The following EBF3 variants were observed in gnomAD, a reference collection of about 807,000 sequenced individuals.
EBF3 encodes EBF transcription factor 3.
In EBF3, 18 loss-of-function variants were observed where a neutral mutation model predicts 77.1. The observed-to-expected ratio is 0.23, with a 90% CI of 0.16 to 0.35. EBF3 has a LOEUF of 0.35. Among genes scored for constraint, EBF3 ranks in the 10% least tolerant of loss-of-function variants. The pLI is 1.00. For missense variants in EBF3, 558 were observed against 860.0 expected (o/e 0.65, Z 4.39); for synonymous variants, 350 against 343.5 (o/e 1.02, Z -0.21).
intron 6 of EBF3, among the ~76,000 whole-genome samples, chr10:129,951,583 G>C (rs569232861): frequency 6.6e-6 from 1 of 152,390 alleles, no homozygotes; most frequent in African/African-American, 2.4e-5. Flanking sequence ...TTCAAACCCA[G>C]CCCTTGACTG....
At chr10:129,851,249 T>G (rs932501595) in intron 10 of EBF3, among the ~76,000 whole-genome samples, 1 of 152,162 alleles carries the variant, frequency 6.6e-6, no homozygotes, top group Non-Finnish European at 1.5e-5. Context: ...CGTGGATAAT[T>G]AGAGAAGGAG....
At chr10:129,883,265 C>T (rs918494183) in intron 6 of EBF3, among the ~76,000 whole-genome samples, 17 of 152,182 alleles carry the variant, frequency 1.1e-4, no homozygotes, top group South Asian at 2.1e-4. Flanking sequence ...CCTAGGTGCG[C>T]GCCTACCCCC....
intron 11 of EBF3, among the ~76,000 whole-genome samples, chr10:129,845,165 A>C (rs1054486115): frequency 2.0e-5 from 3 of 152,226 alleles, no homozygotes; most frequent in Non-Finnish European, 2.9e-5. Flanking sequence ...TGGTCTTGTC[A>C]TATCAGAGAG....
chr10:129,962,327 G>T (rs140890797), intron 3 of EBF3, 101 bp from the exon 4 acceptor site: 1 of 1,025,232 alleles, frequency 9.8e-7, no homozygotes, highest in Non-Finnish European at 1.5e-6. Context: ...CTGCTGCCAC[G>T]GTGATGCAGC....
rs548664440 is a variant in EBF3, at chr10:129,921,557, G to A, written c.554+35701C>T. Among the ~76,000 whole-genome samples the A allele has an allele frequency of 1.1e-4, 16 of 152,312 alleles. No individual in the cohort carries two copies. The East Asian group carries it at 3.1e-3, about 29-fold the overall frequency. ...AAGAAAGGGCAGCAGCCTCCACTAG[G>A]CCACCGGCTCCTGTTTCAAAGGTCT... On this transcript the variant is annotated intron_variant, in intron 6 of 16. Coordinates refer to ENST00000440978, the MANE Select transcript of EBF3 (RefSeq NM_001375380.1).
At chr10:129,860,735 G>A (rs1851570608) in intron 10 of EBF3, among the ~76,000 whole-genome samples, 1 of 152,220 alleles carries the variant, frequency 6.6e-6, no homozygotes, top group South Asian at 2.1e-4. Context: ...CACCAGCCTG[G>A]TTGGGAAATT....
rs1017201937 is a variant in EBF3 at position 129,848,056 on chromosome 10, A to C, written c.1128+336T>G. Among the ~76,000 whole-genome samples the C allele has an allele frequency of 1.4e-4, 22 of 152,230 alleles. No individual in the cohort carries two copies. The highest frequency in any genetic ancestry group is 8.5e-4 in the Admixed American group (13 of 15,286). ...CAGGCCACTGGAGTGGAAAATGTTT[A>C]ATTGAACTATTTCATTACGCGGAAG... On this transcript the variant is annotated intron_variant, in intron 11 of 16. Coordinates refer to ENST00000440978, the MANE Select transcript of EBF3 (RefSeq NM_001375380.1). This position sits in a 1 kb window ranked among gnomAD's most constrained non-coding sequence, Gnocchi z 4.4.
At chr10:129,867,642 T>C in intron 9 of EBF3, 140 bp downstream of exon 9, 1 of 1,420,834 alleles carries the variant, frequency 7.0e-7, no homozygotes, top group Non-Finnish European at 9.4e-7. Flanking sequence ...CGGGAGAAGC[T>C]GCTGCCACAG....
Position 129,963,797 on chromosome 10 carries a change from C to T in EBF3, c.-29G>A. Reference sequence around the variant, plus strand: ...AACTGCTGGCGGCGGCCGCAGCTCCCGGCCGAAAGCGTTTCCTCGAGCAGC... The same window carrying T: ...AACTGCTGGCGGCGGCCGCAGCTCCTGGCCGAAAGCGTTTCCTCGAGCAGC... On this transcript the variant is annotated 5_prime_UTR_variant, in exon 1 of 17. Coordinates refer to ENST00000440978, the MANE Select transcript of EBF3 (RefSeq NM_001375380.1). The surrounding 1 kb of genome is among the most constrained non-coding windows in gnomAD (Gnocchi z 7.1). 3 of 1,488,882 alleles carry T rather than the reference C, an allele frequency of 2.0e-6. No homozygotes were observed. The highest frequency in any genetic ancestry group is 6.2e-5 in the East Asian group (2 of 32,456). The allele number at this position is 1,488,882 out of a possible 1,614,324, so 92.2% of individuals were successfully genotyped here.
At chr10:129,931,339 G>C (rs893426364) in intron 6 of EBF3, among the ~76,000 whole-genome samples, 4 of 152,226 alleles carry the variant, frequency 2.6e-5, no homozygotes, top group African/African-American at 7.2e-5. Flanking sequence ...ATTTTTCTGG[G>C]ATCCAAGTGC....
intron 10 of EBF3, among the ~76,000 whole-genome samples, chr10:129,850,707 G>A (rs926667786): frequency 6.6e-6 from 1 of 152,194 alleles, no homozygotes. Context: ...ACACGCATTC[G>A]TGGTTCTGGG....
intron 6 of EBF3, among the ~76,000 whole-genome samples, chr10:129,918,013 A>G (rs1029797020): frequency 1.3e-5 from 2 of 152,210 alleles, no homozygotes; most frequent in Non-Finnish European, 2.9e-5. Context: ...AACCCCCATC[A>G]GCTCTGCTTT....
chr10:129,880,629 C>T (rs148832905), intron 6 of EBF3, among the ~76,000 whole-genome samples: 105 of 152,330 alleles, frequency 6.9e-4, no homozygotes, highest in African/African-American at 2.5e-3. Context: ...AAAGAGCTGT[C>T]GTGCACAACC....
At chr10:129,956,609 G>A (rs949843004) in intron 6 of EBF3, among the ~76,000 whole-genome samples, 1 of 152,222 alleles carries the variant, frequency 6.6e-6, no homozygotes, top group Admixed American at 6.5e-5. Flanking sequence ...CAAGGAATAT[G>A]AGAAACAGCA....
At position 129,902,350 on chromosome 10, in the gene EBF3, G is replaced by A. The variant is rs540653940; in HGVS notation, c.555-24501C>T. On this transcript the variant is annotated intron_variant, in intron 6 of 16. Coordinates refer to ENST00000440978, the MANE Select transcript of EBF3 (RefSeq NM_001375380.1). The stretch of plus-strand genomic sequence containing the variant: ...ATGGACCCCATGAACACTTTAACGA[G>A]AGTTGTGAGCCCATCTTCTTCAAGG... 2.0e-5 allele frequency among the ~76,000 whole-genome samples: 3 copies of A among 151,970 alleles called. No individual in the cohort carries two copies. The South Asian group carries it at 6.3e-4, about 32-fold the overall frequency.
chr10:129,876,610 A>C (rs1168094410), intron 7 of EBF3, among the ~76,000 whole-genome samples: 1 of 152,206 alleles, frequency 6.6e-6, no homozygotes, highest in African/African-American at 2.4e-5. Flanking sequence ...ATTTCTGAGA[A>C]ATGCTTTGAG....
At chr10:129,880,075 CCCTTTTACCT>C (rs1853085129) in intron 6 of EBF3, among the ~76,000 whole-genome samples, 1 of 152,194 alleles carries the variant, frequency 6.6e-6, no homozygotes, top group African/African-American at 2.4e-5. Context: ...TAGACAGTCA[CCCTTTTACCT>C]CCAAGAGAAC....
intron 10 of EBF3, among the ~76,000 whole-genome samples, chr10:129,852,915 G>A (rs180747968): frequency 2.0e-5 from 3 of 152,312 alleles, no homozygotes; most frequent in Non-Finnish European, 2.9e-5. Context: ...AGCAGCAGCC[G>A]AGAGCAGAGG....
chr10:129,875,055 C>T (rs1015486134), intron 7 of EBF3, among the ~76,000 whole-genome samples: 7 of 151,924 alleles, frequency 4.6e-5, no homozygotes, highest in Admixed American at 3.9e-4. Flanking sequence ...AAAATGAATA[C>T]AATTCATTGT....
Sources: gnomAD v4.1 joint callset for allele counts (sites outside exome capture counted in the v4.1 genomes callset) on GRCh38, gnomAD v4.1.1 for gene constraint, Gnocchi (gnomAD v3.1) non-coding constraint, MANE v1.5 for transcripts, NCBI Gene and HGNC (gene_info 2026-07-23, HGNC 2026-07-21) for gene names.